The following HSPG2 variants were observed in gnomAD, a reference collection of about 807,000 sequenced individuals.
The protein encoded by HSPG2 is heparan sulfate proteoglycan 2, also known as basement membrane-specific heparan sulfate proteoglycan core protein.
HSPG2 carries 278 observed loss-of-function variants against 526.6 expected under a neutral mutation model. The observed-to-expected ratio is 0.53, with a 90% CI of 0.48 to 0.58. The LOEUF (loss-of-function observed/expected upper bound fraction) is 0.58, where lower values mean the gene tolerates loss of function less well. HSPG2 is among the 20% of genes least tolerant of loss of function. HSPG2 has a pLI of 0.00. For synonymous variants in HSPG2, 2,465 were observed against 2,555.4 expected, an observed-to-expected ratio of 0.96 and a Z score of 1.07; for missense variants, 5,354 against 6,099.5, an observed-to-expected ratio of 0.88 and a Z score of 4.07.
Position 21,881,491 on chromosome 1 carries a change from T to A in HSPG2, c.1666A>T (p.Thr556Ser), listed in dbSNP as rs769587805. Residue 556 changes from threonine (T) to serine (S), a missense_variant, in exon 14 of 97, where the codon ACA (threonine) becomes TCA (serine). By Grantham distance (58) the Thr-to-Ser change is moderately conservative (BLOSUM62 1). Transcript: ENST00000374695. ...GGCGTGCCGGGCTGCGCAGGCATTG[T>A]CACATTCACACCTGTGGGTGGCAAG... is the stretch of plus-strand genomic sequence containing the variant. ...QPDDFKGVNVTMPAQPGTPPL... is the reference protein window; with the variant it reads ...QPDDFKGVNVSMPAQPGTPPL... 3 of 1,611,870 alleles carry A rather than the reference T, an allele frequency of 1.9e-6. No individual in the cohort carries two copies. The Admixed American group carries it at 5.0e-5, about 27-fold the overall frequency.
chr1:21,849,914 G>A (rs538315419), intron 57 of HSPG2, 127 bp downstream of exon 57: 71 of 1,163,242 alleles, frequency 6.1e-5, no homozygotes, highest in South Asian at 2.2e-4. Flanking sequence ...TCCTGACCTC[G>A]TGATCTTCCT....
chr1:21,843,585 G>A, intron 65 of HSPG2, 147 bp from the exon 66 acceptor site: 4 of 773,392 alleles, frequency 5.2e-6, no homozygotes, highest in Non-Finnish European at 8.2e-6. Context: ...GCATTGTGGA[G>A]GGCATGTTTA....
intron 1 of HSPG2, among the ~76,000 whole-genome samples, chr1:21,917,210 T>C (rs926333913): frequency 6.6e-6 from 1 of 151,896 alleles, no homozygotes; most frequent in Admixed American, 6.6e-5. Flanking sequence ...GACAGGTGGA[T>C]TGCTTGAGCC....
chr1:21,860,023 A>T, intron 40 of HSPG2, 21 bp from the exon 41 acceptor site: 1 of 1,608,772 alleles, frequency 6.2e-7, no homozygotes, highest in Non-Finnish European at 8.5e-7. Flanking sequence ...GGGCCGGGAC[A>T]GGAAGGGCCT....
In HSPG2 at chr1:21,851,939, G is replaced by A. The variant is rs371625915; in HGVS notation, c.6871-13C>T. ...GGGAGCCACGAACCTGGGCAGCCGT[G>A]GGCAGAGGTGTGAGGGGGGCTTCCC... On this transcript the variant is annotated splice_polypyrimidine_tract_variant and intron_variant, in intron 53 of 96. Coordinates refer to ENST00000374695, the MANE Select transcript of HSPG2 (RefSeq NM_005529.7). The A allele has an allele frequency of 1.2e-4, 185 of 1,602,648 alleles. No homozygotes were observed. Among genetic ancestry groups the A allele is most frequent in the Non-Finnish European group, 1.5e-4 (178 of 1,175,092 alleles).
chr1:21,829,564 GGAGCCAGCACCC>G lies in HSPG2; in HGVS notation c.11799_11810del (p.Gly3934_Ser3937del). ...TGGTGAGGGCGGGCAGTGCCAGGTAGGAGCCAGCACCCGACAGCGAGGGGGTGGTCACTGTCA... is the reference window on the plus strand; with the variant it reads ...TGGTGAGGGCGGGCAGTGCCAGGTAGGACAGCGAGGGGGTGGTCACTGTCA... On this transcript the variant is annotated inframe_deletion, in exon 87 of 97. Transcript: ENST00000374695. 6.2e-7 allele frequency: 1 copy of G among 1,610,676 alleles called. No homozygotes were observed. The highest frequency in any genetic ancestry group is 8.5e-7 in the Non-Finnish European group (1 of 1,178,214).
rs528039066 is a variant in HSPG2 at position 21,895,008 on chromosome 1, C to T, written c.244+914G>A. 1.3e-5 allele frequency among the ~76,000 whole-genome samples: 2 copies of T among 152,358 alleles called. No individual in the cohort carries two copies. The highest frequency in any genetic ancestry group is 2.4e-5 in the African/African-American group (1 of 41,588). Reference sequence around the variant, plus strand: ...TGTCTACACTGACCCAGTTAGGATGCTACCCACTGGCATTTGAAGGCCCCG... The same window carrying T: ...TGTCTACACTGACCCAGTTAGGATGTTACCCACTGGCATTTGAAGGCCCCG... On this transcript the variant is annotated intron_variant, in intron 3 of 96. Transcript: ENST00000374695. This position sits in a 1 kb window ranked among gnomAD's most constrained non-coding sequence, Gnocchi z 4.1.
chr1:21,831,021 TC>T lies in HSPG2; in HGVS notation c.11631del (p.Ser3878AlafsTer23). The T allele has an allele frequency of 6.3e-7, 1 of 1,590,864 alleles. No homozygotes were observed. Among genetic ancestry groups the T allele is most frequent in the Non-Finnish European group, 8.6e-7 (1 of 1,168,954 alleles). On this transcript the variant is annotated frameshift_variant, in exon 85 of 97. Coordinates refer to ENST00000374695, the MANE Select transcript of HSPG2 (RefSeq NM_005529.7). LOFTEE classifies it high-confidence loss of function. ...YVCVCPAGFT[G>X]SRCEHSQALH... is the part of the protein sequence containing the mutation. ...AGGGCCTGCGAGTGCTCACAGCGGC[TC>T]CCGGTGAAGCCAGCTGGGCAGACGC...
chr1:21,885,044 G>C lies in HSPG2; in HGVS notation c.1324C>G (p.Leu442Val). ...TGAGAGGGGATGTGGCCCCAGTTGAGCCTCCAATTGATGATGGGGGTGGGG... is the reference window on the plus strand; with the variant it reads ...TGAGAGGGGATGTGGCCCCAGTTGACCCTCCAATTGATGATGGGGGTGGGG... ...GVPTPIINWR[L>V]NWGHIPSHPR... Residue 442 changes from leucine to valine, a missense_variant, in exon 11 of 97, where the codon CTC becomes GTC. Physicochemically the swap from Leu to Val is conservative, Grantham distance 32. Transcript: ENST00000374695. 2 of 1,613,970 alleles carry C rather than the reference G, an allele frequency of 1.2e-6. No homozygotes were observed.
At chr1:21,892,404 G>A (rs1183758804) in intron 3 of HSPG2, among the ~76,000 whole-genome samples, 1 of 152,264 alleles carries the variant, frequency 6.6e-6, no homozygotes, top group East Asian at 1.9e-4. Context: ...AAGGGGACTG[G>A]AGCTCCACAA....
rs750145843 is a variant in HSPG2, at chr1:21,887,689, C to T, written c.704-15G>A. 1.2e-5 allele frequency: 19 copies of T among 1,613,874 alleles called. No homozygotes were observed. In the Admixed American group the frequency reaches 1.7e-4, roughly 14 times the overall value. ...GACTGGCTCCTCTGTGGATAGATTC[C>T]GCTTGGCATTTGGCAGAAGCAGATG... On this transcript the variant is annotated splice_polypyrimidine_tract_variant and intron_variant, in intron 7 of 96. Coordinates refer to ENST00000374695, the MANE Select transcript of HSPG2 (RefSeq NM_005529.7). This position sits in a 1 kb window ranked among gnomAD's most constrained non-coding sequence, Gnocchi z 5.0.
chr1:21,839,940 C>T lies in HSPG2; in HGVS notation c.9591G>A (p.Gln3197=), dbSNP rs1360958706. ...CGCCCGTGTCCACGATCACCTCCAC[C>T]TGCTTCTGTGCTGTGCCTAGTGCAT... ...AQNALGTAQK[Q]VEVIVDTGAM... The change falls in exon 72 of 97, where the codon CAG becomes CAA. Residue 3197 remains glutamine, a synonymous_variant. Transcript: ENST00000374695. This position sits in a 1 kb window ranked among gnomAD's most constrained non-coding sequence, Gnocchi z 4.5. 5.6e-6 allele frequency: 9 copies of T among 1,614,096 alleles called. No homozygotes were observed. In the Admixed American group the frequency reaches 6.7e-5, roughly 12 times the overall value.
At chr1:21,873,533 A>G in intron 29 of HSPG2, 109 bp from the exon 30 acceptor site, 1 of 1,101,222 alleles carries the variant, frequency 9.1e-7, no homozygotes, top group East Asian at 2.4e-5. Flanking sequence ...CTGGAAGAAA[A>G]GAAGAGCCTG....
Position 21,905,247 on chromosome 1 carries a change from C to A in HSPG2, c.64-8937G>T, listed in dbSNP as rs1451163036. On this transcript the variant is annotated intron_variant, in intron 1 of 96. Transcript: ENST00000374695. ...CTATGTAATCTGTCTACACACACACCCACCCACACACACCCACACACACAC... is the reference window on the plus strand; with the variant it reads ...CTATGTAATCTGTCTACACACACACACACCCACACACACCCACACACACAC... Among the ~76,000 whole-genome samples, 14 of 137,702 alleles carry A rather than the reference C, an allele frequency of 1.0e-4. No homozygotes were observed. In the South Asian group the frequency reaches 1.7e-3, roughly 16 times the overall value. The allele number at this position is 137,702 out of a possible 152,430, so 90.3% of individuals were successfully genotyped here.
Position 21,824,044 on chromosome 1 carries a change from T to G in HSPG2, c.12899+77A>C. The G allele has an allele frequency of 7.5e-7, 1 of 1,342,150 alleles. No individual in the cohort carries two copies. 83.1% of individuals were successfully genotyped at this position (1,342,150 alleles called of 1,614,324 possible). On this transcript the variant is annotated intron_variant, in intron 95 of 96. Transcript: ENST00000374695. This position sits in a 1 kb window ranked among gnomAD's most constrained non-coding sequence, Gnocchi z 5.9. The stretch of plus-strand genomic sequence containing the variant: ...CTCCACAGAGCTCAATACCTGCCTC[T>G]CTGCCCATGGTAGGGGGCGTCCTGC...
In HSPG2 at chr1:21,824,225, G is replaced by T. The variant is rs751682185; in HGVS notation, c.12816-21C>A. 1 of 1,613,694 alleles carries T rather than the reference G, an allele frequency of 6.2e-7. No homozygotes were observed. The highest frequency in any genetic ancestry group is 8.5e-7 in the Non-Finnish European group (1 of 1,179,870). On this transcript the variant is annotated intron_variant, in intron 94 of 96. Coordinates refer to ENST00000374695, the MANE Select transcript of HSPG2 (RefSeq NM_005529.7). This position sits in a 1 kb window ranked among gnomAD's most constrained non-coding sequence, Gnocchi z 5.9. ...GGTACCTGCAGTCATCCAGGCCCAA[G>T]AAGTATGAGCTGGGGCAGGACCGGG... is the stretch of plus-strand genomic sequence containing the variant.
chr1:21,834,743 C>G lies in HSPG2; in HGVS notation c.10656G>C (p.Gln3552His). ...CTGCGTTGGTGGCAGTGCAGCGATA[C>G]TGTCCCGCATCAGCCAGCTCTACGT... ...IAHVELADAG[Q>H]YRCTATNAAG... The change falls in exon 77 of 97, where the codon CAG (glutamine) becomes CAC (histidine). Residue 3552 changes from glutamine (Q) to histidine (H), a missense_variant. By Grantham distance (24) the Gln-to-His change is conservative. Coordinates refer to ENST00000374695, the MANE Select transcript of HSPG2 (RefSeq NM_005529.7). The G allele has an allele frequency of 6.2e-7, 1 of 1,614,200 alleles. No homozygotes were observed. Among genetic ancestry groups the G allele is most frequent in the Non-Finnish European group, 8.5e-7 (1 of 1,180,044 alleles).
At chr1:21,838,189 G>A (rs530302494) in intron 74 of HSPG2, among the ~76,000 whole-genome samples, 3 of 150,270 alleles carry the variant, frequency 2.0e-5, no homozygotes, top group Admixed American at 6.6e-5. Context: ...AAGGTTCAGT[G>A]ACTTGGCCAA....
Position 21,839,267 on chromosome 1 carries a change from C to T in HSPG2, c.9889+104G>A. 1 of 1,476,940 alleles carries T rather than the reference C, an allele frequency of 6.8e-7. No homozygotes were observed. The highest frequency in any genetic ancestry group is 1.1e-5 in the South Asian group (1 of 87,572). The allele number at this position is 1,476,940 out of a possible 1,614,324, so 91.5% of individuals were successfully genotyped here. On this transcript the variant is annotated intron_variant, in intron 73 of 96. Coordinates refer to ENST00000374695, the MANE Select transcript of HSPG2 (RefSeq NM_005529.7). The surrounding 1 kb of genome is among the most constrained non-coding windows in gnomAD (Gnocchi z 4.5). ...GGCAGGCTCCAGGACCCTGCAGCGCCTGGAGACCTCTGGATGGGGTTCCTG... is the reference window on the plus strand; with the variant it reads ...GGCAGGCTCCAGGACCCTGCAGCGCTTGGAGACCTCTGGATGGGGTTCCTG...
Sources: allele counts gnomAD v4.1 joint callset (sites outside exome capture counted in the v4.1 genomes callset), GRCh38; gene constraint gnomAD v4.1.1; non-coding constraint Gnocchi (gnomAD v3.1); transcripts MANE v1.5; gene names NCBI Gene and HGNC (gene_info 2026-07-23, HGNC 2026-07-21).